The following SLIT2 variants were observed in gnomAD, a reference collection of about 807,000 sequenced individuals.
The protein encoded by SLIT2 is slit guidance ligand 2.
A neutral mutation model predicts 185.7 loss-of-function variants in SLIT2; 41 were observed. The observed-to-expected ratio is 0.22, with a 90% CI of 0.17 to 0.29. The LOEUF is 0.29. Ranked by LOEUF, SLIT2 falls within the 10% of genes least tolerant of loss-of-function variation. SLIT2 has a pLI of 1.00. For synonymous variants in SLIT2, 693 were observed against 680.2 expected, an observed-to-expected ratio of 1.02 and a Z score of -0.29; for missense variants, 1,571 against 1,909.0, an observed-to-expected ratio of 0.82 and a Z score of 3.30.
In SLIT2 at chr4:20,589,758, T is replaced by A. The variant is rs778846162; in HGVS notation, c.3182+21T>A. On this transcript the variant is annotated intron_variant, in intron 30 of 36. Coordinates refer to ENST00000504154, the MANE Select transcript of SLIT2 (RefSeq NM_004787.4). ...TTCAAGTAAGTCAAAAGCTACCTTT[T>A]TGCTCACAGTCAGGGTAGGGGACCC... 3 of 1,583,766 alleles carry A rather than the reference T, an allele frequency of 1.9e-6. No homozygotes were observed. The South Asian group carries it at 3.4e-5, about 18-fold the overall frequency.
At chr4:20,493,791 A>G (rs1300241774) in intron 9 of SLIT2, among the ~76,000 whole-genome samples, 2 of 152,236 alleles carry the variant, frequency 1.3e-5, no homozygotes, top group Non-Finnish European at 2.9e-5. Context: ...TCCAGAAATG[A>G]TAACTCAAGC....
At position 20,301,916 on chromosome 4, in the gene SLIT2, TA is replaced by T. The variant is rs1162407934; in HGVS notation, c.395+33036del. ...GCTCAATCATTTTTTGGTGCAAAAA[TA>T]TACTGTCGATTTTTTGGCTCAGTAA... On this transcript the variant is annotated intron_variant, in intron 4 of 36. Transcript: ENST00000504154. Among the ~76,000 whole-genome samples the T allele has an allele frequency of 2.0e-5, 3 of 152,148 alleles. No homozygotes were observed. The East Asian group carries it at 5.8e-4, about 29-fold the overall frequency.
At chr4:20,352,492 A>G (rs1721965936) in intron 4 of SLIT2, among the ~76,000 whole-genome samples, 1 of 152,212 alleles carries the variant, frequency 6.6e-6, no homozygotes, top group African/African-American at 2.4e-5. Flanking sequence ...TTACATATAA[A>G]TATGTCAAAT....
At position 20,364,080 on chromosome 4, in the gene SLIT2, G is replaced by A. The variant is rs190775922; in HGVS notation, c.395+95199G>A. Among the ~76,000 whole-genome samples, 218 of 152,254 alleles carry A rather than the reference G, an allele frequency of 1.4e-3. 2 individuals carry two copies. Among genetic ancestry groups the A allele is most frequent in the Non-Finnish European group, 1.5e-3 (103 of 67,996 alleles). On this transcript the variant is annotated intron_variant, in intron 4 of 36. Coordinates refer to ENST00000504154, the MANE Select transcript of SLIT2 (RefSeq NM_004787.4). ...ATTGATTTTTCTACTTGAAAGGAACGAGGAAGGGAAAGTTCGTCTTTGCTC... is the reference window on the plus strand; with the variant it reads ...ATTGATTTTTCTACTTGAAAGGAACAAGGAAGGGAAAGTTCGTCTTTGCTC...
At chr4:20,386,709 A>C (rs1053135460) in intron 4 of SLIT2, among the ~76,000 whole-genome samples, 9 of 152,220 alleles carry the variant, frequency 5.9e-5, no homozygotes, top group African/African-American at 2.2e-4. Flanking sequence ...ATTCCAAGGC[A>C]TACTCTAGAA....
intron 4 of SLIT2, among the ~76,000 whole-genome samples, chr4:20,352,277 C>T (rs1721945740): frequency 6.6e-6 from 1 of 150,762 alleles, no homozygotes; most frequent in Non-Finnish European, 1.5e-5. Flanking sequence ...GCTGATTGTG[C>T]AGAATAAAAG....
At chr4:20,579,271 C>A (rs1439209721) in intron 29 of SLIT2, among the ~76,000 whole-genome samples, 1 of 151,294 alleles carries the variant, frequency 6.6e-6, no homozygotes, top group Non-Finnish European at 1.5e-5. Flanking sequence ...TGCACTTTAG[C>A]CTGGGTGACA....
intron 4 of SLIT2, among the ~76,000 whole-genome samples, chr4:20,374,705 G>C (rs1723875005): frequency 6.6e-6 from 1 of 150,676 alleles, no homozygotes; most frequent in African/African-American, 2.4e-5. Flanking sequence ...CCTATTTACT[G>C]CTTTGTCACT....
At chr4:20,472,238 C>CTA (rs1553908231) in intron 5 of SLIT2, among the ~76,000 whole-genome samples, 1 of 37,368 alleles carries the variant, frequency 2.7e-5, no homozygotes, top group African/African-American at 1.1e-4. Context: ...ATATATAGAT[C>CTA]TATATATCTA....
chr4:20,372,665 A>G (rs1016710381), intron 4 of SLIT2, among the ~76,000 whole-genome samples: 3 of 151,952 alleles, frequency 2.0e-5, no homozygotes, highest in Admixed American at 6.6e-5. Flanking sequence ...TGTTCTTACA[A>G]TTTTGCATAT....
At chr4:20,368,235 G>GAAAAAAAAAAAAAAAAA (rs942235918) in intron 4 of SLIT2, among the ~76,000 whole-genome samples, 4 of 105,484 alleles carry the variant, frequency 3.8e-5, no homozygotes, top group African/African-American at 7.2e-5. Context: ...AAAAAAAAAA[G>GAAAAAAAAAAAAAAAAA]AAAAAAAAGA....
intron 1 of SLIT2, chr4:20,255,140 C>T (rs1246456539): frequency 2.3e-6 from 1 of 435,976 alleles, no homozygotes; most frequent in Non-Finnish European, 4.6e-6. Flanking sequence ...GCTAGGCCGG[C>T]AGGGGCCAGC....
chr4:20,540,082 G>A (rs539453254), intron 19 of SLIT2, among the ~76,000 whole-genome samples: 100 of 151,872 alleles, frequency 6.6e-4, no homozygotes, highest in East Asian at 1.4e-3. Flanking sequence ...TCAGGCGTTC[G>A]AGACCAGCCT....
chr4:20,288,140 T>A (rs945308861), intron 4 of SLIT2, among the ~76,000 whole-genome samples: 9 of 152,212 alleles, frequency 5.9e-5, no homozygotes, highest in African/African-American at 1.9e-4. Flanking sequence ...TCACGTTTAT[T>A]ATGGAAACAT....
intron 9 of SLIT2, among the ~76,000 whole-genome samples, chr4:20,503,002 GA>G (rs1055462297): frequency 2.0e-5 from 3 of 152,078 alleles, no homozygotes; most frequent in Middle Eastern, 3.4e-3. Context: ...ACTTCTATGG[GA>G]AAAAAATGCA....
intron 4 of SLIT2, among the ~76,000 whole-genome samples, chr4:20,419,565 T>A (rs1467493940): frequency 6.6e-6 from 1 of 152,066 alleles, no homozygotes; most frequent in Non-Finnish European, 1.5e-5. Flanking sequence ...CTGTATTACC[T>A]AAAGCAATTG....
At chr4:20,372,539 C>T (rs1723676934) in intron 4 of SLIT2, among the ~76,000 whole-genome samples, 1 of 151,756 alleles carries the variant, frequency 6.6e-6, no homozygotes, top group African/African-American at 2.4e-5. Flanking sequence ...TGTAAATTGT[C>T]TTTATAATTT....
chr4:20,503,674 G>A (rs1718942306), intron 9 of SLIT2, among the ~76,000 whole-genome samples: 5 of 152,076 alleles, frequency 3.3e-5, no homozygotes, highest in African/African-American at 7.2e-5. Flanking sequence ...TAGTCAAAAG[G>A]TGCACACATA....
intron 11 of SLIT2, among the ~76,000 whole-genome samples, chr4:20,518,269 T>G (rs1720439096): frequency 7.2e-6 from 1 of 138,694 alleles, no homozygotes; most frequent in Non-Finnish European, 1.5e-5. Context: ...TTTTTTTTTT[T>G]TGAGACAGAG....
Sources: allele counts gnomAD v4.1 joint callset (sites outside exome capture counted in the v4.1 genomes callset), GRCh38; gene constraint gnomAD v4.1.1; transcripts MANE v1.5; gene names NCBI Gene and HGNC (gene_info 2026-07-23, HGNC 2026-07-21).